The following PIEZO1 variants were observed in gnomAD, a reference collection of about 807,000 sequenced individuals.
PIEZO1 encodes the protein piezo type mechanosensitive ion channel component 1 (Er blood group), also known as piezo-type mechanosensitive ion channel component 1.
In PIEZO1, 296 loss-of-function variants were observed where a neutral mutation model predicts 297.2. The ratio of observed to expected loss-of-function variants is 1.00; its 90% confidence interval spans 0.91 to 1.10. PIEZO1 has a LOEUF of 1.10. PIEZO1 is among the 50% of genes least tolerant of loss of function. The pLI is 0.00. For missense variants in PIEZO1, 5,018 were observed against 3,455.5 expected, an observed-to-expected ratio of 1.45 and a Z score of -11.34; for synonymous variants, 2,427 against 1,507.5, an observed-to-expected ratio of 1.61 and a Z score of -14.13.
chr16:88,717,117 A>T lies in PIEZO1; in HGVS notation c.6566T>A (p.Phe2189Tyr). Residue 2189 changes from phenylalanine (F) to tyrosine (Y), a missense_variant, in exon 45 of 51, where the codon TTC (phenylalanine) becomes TAC (tyrosine). Transcript: ENST00000301015. Reference protein sequence around the residue: ...IILFLIAIIWFPLLFMSLVRS... With the variant: ...IILFLIAIIWYPLLFMSLVRS... ...CACCAGCGACATGAAGAGCAGTGGG[A>T]ACCAGATGATGGCGATGAGGAAGAG... is the stretch of plus-strand genomic sequence containing the variant. 1.3e-6 allele frequency: 2 copies of T among 1,551,394 alleles called. No homozygotes were observed. Among genetic ancestry groups the T allele is most frequent in the Non-Finnish European group, 1.7e-6 (2 of 1,147,176 alleles).
In PIEZO1 at chr16:88,722,987, C is replaced by T; in HGVS notation, c.4518G>A (p.Arg1506=). The change falls in exon 34 of 51, where the codon AGG becomes AGA. Residue 1506 remains arginine (R), a synonymous_variant. Transcript: ENST00000301015. The stretch of plus-strand genomic sequence containing the variant: ...ACAGGAACTGCGCCGTGCTCAGCAC[C>T]CTCTGCACCACATGGCTCCGGCCTG... ...AAAGRSHVVQ[R]VLSTAQFLWM... 2.6e-6 allele frequency: 4 copies of T among 1,548,204 alleles called. No individual in the cohort carries two copies. Among genetic ancestry groups the T allele is most frequent in the Middle Eastern group, 1.7e-4 (1 of 5,924 alleles).
In PIEZO1 at chr16:88,720,479, G is replaced by A. The variant is rs1425848251; in HGVS notation, c.5855C>T (p.Thr1952Ile). The change falls in exon 41 of 51, where the codon ACC (threonine) becomes ATC (isoleucine). Residue 1952 changes from threonine to isoleucine, a missense_variant. Physicochemically the swap from Thr to Ile is moderately conservative, Grantham distance 89. Coordinates refer to ENST00000301015, the MANE Select transcript of PIEZO1 (RefSeq NM_001142864.4). Reference protein sequence around the residue: ...LRRFFHDILHTKYRAATDVYA... With the variant: ...LRRFFHDILHIKYRAATDVYA... ...GACGTCGGTGGCTGCGCGGTACTTG[G>A]TGTGCAGGATGTCGTGGAAGAAGCG... 1.9e-6 allele frequency: 3 copies of A among 1,550,418 alleles called. No homozygotes were observed. The highest frequency in any genetic ancestry group is 1.7e-6 in the Non-Finnish European group (2 of 1,146,948).
rs749817454 is a variant in PIEZO1 at position 88,726,859 on chromosome 16, G to A, written c.3555C>T (p.Phe1185=). The A allele has an allele frequency of 1.1e-5, 17 of 1,550,316 alleles. No individual in the cohort carries two copies. The highest frequency in any genetic ancestry group is 9.8e-5 in the East Asian group (4 of 40,932). Residue 1185 remains phenylalanine (F), a synonymous_variant, in exon 25 of 51, where the codon TTC becomes TTT. Transcript: ENST00000301015. ...AGCAGGCCAGCAGGTAGCCCAGCCC[G>A]AAGATGCTGATGCGGGTGGCCCCCG... is the stretch of plus-strand genomic sequence containing the variant. ...FVTGATRISI[F]GLGYLLACFY...
At position 88,719,717 on chromosome 16, in the gene PIEZO1, G is replaced by T. The variant is rs776531529; in HGVS notation, c.6328C>A (p.Arg2110=). 9 of 1,550,940 alleles carry T rather than the reference G, an allele frequency of 5.8e-6. No homozygotes were observed. The highest frequency in any genetic ancestry group is 7.8e-6 in the Non-Finnish European group (9 of 1,147,288). The change falls in exon 44 of 51, where the codon CGG becomes AGG. Residue 2110 remains arginine, a synonymous_variant. Transcript: ENST00000301015. ...HLNLFLFQGF[R]LVPFLVELRA... ...AGCTCCACCAGGAACGGCACCAGCCGGAACCTGCCCACAGCCAGGGTTCCC... is the reference window on the plus strand; with the variant it reads ...AGCTCCACCAGGAACGGCACCAGCCTGAACCTGCCCACAGCCAGGGTTCCC...
At chr16:88,756,732 C>T (rs867384906) in intron 1 of PIEZO1, among the ~76,000 whole-genome samples, 8 of 151,700 alleles carry the variant, frequency 5.3e-5, no homozygotes, top group African/African-American at 1.7e-4. Context: ...TATGTCACTG[C>T]ACTCCAGCCT....
chr16:88,751,553 C>T (rs59894652), intron 1 of PIEZO1, among the ~76,000 whole-genome samples: 3,923 of 152,320 alleles, frequency 0.026, 176 homozygotes, highest in African/African-American at 0.09. Flanking sequence ...CAGCCTCCCC[C>T]AGCTCCCCCA....
At chr16:88,736,801 AT>A in intron 10 of PIEZO1, 62 bp from the exon 11 acceptor site, 2 of 1,068,186 alleles carry the variant, frequency 1.9e-6, no homozygotes, top group East Asian at 5.4e-5. Context: ...CACCCTGACT[AT>A]GCCCTAAAAT....
chr16:88,746,660 C>T (rs1906074606), intron 2 of PIEZO1, among the ~76,000 whole-genome samples: 1 of 152,204 alleles, frequency 6.6e-6, no homozygotes, highest in Non-Finnish European at 1.5e-5. Flanking sequence ...TCCTCTCTCC[C>T]TCCCGGAAAA....
intron 1 of PIEZO1, among the ~76,000 whole-genome samples, chr16:88,766,271 C>A (rs1480830032): frequency 6.6e-6 from 1 of 152,176 alleles, no homozygotes; most frequent in Non-Finnish European, 1.5e-5. Flanking sequence ...CCTAAGGGCC[C>A]GGAGGAGGAA....
chr16:88,738,210 G>A lies in PIEZO1; in HGVS notation c.848+17C>T, dbSNP rs8060643. On this transcript the variant is annotated intron_variant, in intron 7 of 50. Coordinates refer to ENST00000301015, the MANE Select transcript of PIEZO1 (RefSeq NM_001142864.4). ...ACCAGGGTGGCAGGAAAAAGGGGCT[G>A]TGTGGCAAGCCGTTACCTAGCCCAG... 0.21 allele frequency: 316,685 copies of A among 1,534,212 alleles called. 40,134 individuals are homozygous for A. The highest frequency in any genetic ancestry group is 0.54 in the East Asian group (22,159 of 40,894).
Position 88,733,366 on chromosome 16 carries a change from G to A in PIEZO1, c.2576C>T (p.Thr859Ile), listed in dbSNP as rs1409514145. 1 of 1,550,118 alleles carries A rather than the reference G, an allele frequency of 6.5e-7. No homozygotes were observed. Among genetic ancestry groups the A allele is most frequent in the Non-Finnish European group, 8.7e-7 (1 of 1,146,852 alleles). The change falls in exon 19 of 51, where the codon ACC becomes ATC. Residue 859 changes from threonine to isoleucine, a missense_variant. Thr to Ile is a moderately conservative substitution (Grantham distance 89, BLOSUM62 -1). Transcript: ENST00000301015. The part of the protein sequence containing the change: ...RFRPMASCLS[T>I]VWTCVIIVCK... Reference sequence around the variant, plus strand: ...CACGATGATGACGCAGGTCCACACGGTGGACAGGCAGGAGGCCATGGGCCG... The same window carrying A: ...CACGATGATGACGCAGGTCCACACGATGGACAGGCAGGAGGCCATGGGCCG...
chr16:88,725,759 T>C (rs915505392), intron 27 of PIEZO1, 75 bp from the exon 28 acceptor site: 1 of 799,932 alleles, frequency 1.3e-6, no homozygotes, highest in Non-Finnish European at 2.1e-6. Flanking sequence ...CGCTCCCCGC[T>C]CAGCCCGGGA....
intron 1 of PIEZO1, among the ~76,000 whole-genome samples, chr16:88,782,844 A>AGCAG (rs66950913): frequency 6.6e-6 from 1 of 151,340 alleles, no homozygotes; most frequent in Admixed American, 6.6e-5. Flanking sequence ...AGTCCCGGCC[A>AGCAG]GCAGGCAGGC....
intron 22 of PIEZO1, chr16:88,731,178 G>C (rs879895495): frequency 6.4e-6 from 1 of 156,938 alleles, no homozygotes; most frequent in Admixed American, 6.1e-5. Flanking sequence ...CCCAAGACAA[G>C]AGACTAGAGC....
chr16:88,721,039 G>C (rs901198096), intron 39 of PIEZO1, 127 bp downstream of exon 39: 2 of 1,010,906 alleles, frequency 2.0e-6, no homozygotes, highest in African/African-American at 3.2e-5. Context: ...CTCAGAAGTG[G>C]CACCTTCCTG....
rs1466647096 is a variant in PIEZO1, at chr16:88,721,654, A to G, written c.5287T>C (p.Tyr1763His). 1 of 1,549,922 alleles carries G rather than the reference A, an allele frequency of 6.5e-7. No individual in the cohort carries two copies. Among genetic ancestry groups the G allele is most frequent in the Non-Finnish European group, 8.7e-7 (1 of 1,146,736 alleles). Residue 1763 changes from tyrosine (Y) to histidine (H), a missense_variant, in exon 38 of 51, where the codon TAC (tyrosine) becomes CAC (histidine). By Grantham distance (83) the Tyr-to-His change is moderately conservative. Transcript: ENST00000301015. ...PWNSHVVLRR[Y>H]ENKPYFPPRI... ...GGCGGGAAGTAGGGCTTGTTCTCGT[A>G]GCGCCGCAGCACCACGTGGCTGTTC...
At chr16:88,728,412 A>G (rs185805796) in intron 22 of PIEZO1, among the ~76,000 whole-genome samples, 15,430 of 150,360 alleles carry the variant, frequency 0.1, 536 homozygotes, top group Admixed American at 0.15. Context: ...ATGCTGGGGA[A>G]CCCAGGACAT....
intron 1 of PIEZO1, among the ~76,000 whole-genome samples, chr16:88,764,261 G>C (rs1907065733): frequency 6.6e-6 from 1 of 152,174 alleles, no homozygotes; most frequent in Non-Finnish European, 1.5e-5. Context: ...AGCCCCAGCA[G>C]CAAGCACGTG....
intron 1 of PIEZO1, among the ~76,000 whole-genome samples, chr16:88,782,701 C>T (rs1907988240): frequency 6.6e-6 from 1 of 152,228 alleles, no homozygotes; most frequent in African/African-American, 2.4e-5. Context: ...CCAGCCAAAG[C>T]TCGCCAGAGA....
Sources: allele counts gnomAD v4.1 joint callset (sites outside exome capture counted in the v4.1 genomes callset), GRCh38; gene constraint gnomAD v4.1.1; transcripts MANE v1.5; gene names NCBI Gene and HGNC (gene_info 2026-07-23, HGNC 2026-07-21).